The following GPR160 variants were observed in gnomAD, a reference collection of about 807,000 sequenced individuals.
The protein encoded by GPR160 is probable G protein-coupled receptor 160.
In GPR160, 2 loss-of-function variants were observed where a neutral mutation model predicts 2.6. That is an observed-to-expected ratio of 0.77 (90% CI 0.32 to 2.44). GPR160 has a LOEUF of 2.44. Among genes scored for constraint, GPR160 ranks in the 30% most tolerant of loss-of-function variants. The pLI is 0.11. For synonymous variants in GPR160, 130 were observed against 132.2 expected (o/e 0.98, Z 0.12); for missense variants, 351 against 383.6 (o/e 0.91, Z 0.71).
chr3:170,041,798 A>G (rs550687110), intron 2 of GPR160, among the ~76,000 whole-genome samples: 36 of 152,284 alleles, frequency 2.4e-4, no homozygotes, highest in African/African-American at 6.5e-4. Flanking sequence ...ACGTAACTTT[A>G]TTTTATACCT....
At chr3:170,050,942 G>A (rs926462743) in intron 2 of GPR160, among the ~76,000 whole-genome samples, 3 of 152,180 alleles carry the variant, frequency 2.0e-5, no homozygotes, top group African/African-American at 7.2e-5. Flanking sequence ...ACAAGTGTTA[G>A]TATGGACCTT....
chr3:170,042,828 T>TA (rs763216364), intron 2 of GPR160, among the ~76,000 whole-genome samples: 4,303 of 107,960 alleles, frequency 0.04, 289 homozygotes, highest in African/African-American at 0.13. Context: ...CTCTCTCTCT[T>TA]AAAAAAAAAA....
chr3:170,081,919 G>A (rs1451344932), intron 3 of GPR160, among the ~76,000 whole-genome samples: 3 of 152,172 alleles, frequency 2.0e-5, no homozygotes, highest in African/African-American at 4.8e-5. Flanking sequence ...GTTTTACGCT[G>A]CATAGTATTC....
chr3:170,046,693 T>C (rs1209154160), intron 2 of GPR160, among the ~76,000 whole-genome samples: 1 of 152,186 alleles, frequency 6.6e-6, no homozygotes, highest in Non-Finnish European at 1.5e-5. Flanking sequence ...TTAACTAATG[T>C]TTATTTAATA....
chr3:170,053,909 C>G (rs541608354), intron 2 of GPR160, among the ~76,000 whole-genome samples: 7 of 150,316 alleles, frequency 4.7e-5, no homozygotes, highest in East Asian at 1.9e-4. Flanking sequence ...TTGGCACTTT[C>G]TCTTCACCTC....
In GPR160 at chr3:170,038,491, CA is replaced by C. The variant is rs1716294951; in HGVS notation, c.-322+277del. The stretch of plus-strand genomic sequence containing the variant: ...CTGGGGTCTGTCGTGGGTTTGAGGG[CA>C]GGGGGTCTGGGGAATGGGCGTGTCC... On this transcript the variant is annotated intron_variant, in intron 1 of 3. Transcript: ENST00000355897. The surrounding 1 kb of genome is among the most constrained non-coding windows in gnomAD (Gnocchi z 5.3). 1 of 152,276 alleles carries C rather than the reference CA, an allele frequency of 6.6e-6. No individual in the cohort carries two copies. 9.4% of individuals were successfully genotyped at this position (152,276 alleles called of 1,614,324 possible). A position where few individuals can be genotyped will look rare whatever the true frequency, so the allele number is the denominator to read the frequency against.
chr3:170,076,060 C>A (rs1325217956), intron 2 of GPR160, among the ~76,000 whole-genome samples: 1 of 152,052 alleles, frequency 6.6e-6, no homozygotes, highest in Non-Finnish European at 1.5e-5. Context: ...CTTTTTAAAA[C>A]TTTGCTTTAG....
At chr3:170,049,083 C>T (rs1470196770) in intron 2 of GPR160, among the ~76,000 whole-genome samples, 2 of 152,208 alleles carry the variant, frequency 1.3e-5, no homozygotes, top group African/African-American at 4.8e-5. Flanking sequence ...TTTGCACCCT[C>T]CTGTCTCCCT....
intron 3 of GPR160, among the ~76,000 whole-genome samples, chr3:170,082,759 G>C (rs1053700441): frequency 7.3e-5 from 11 of 150,652 alleles, no homozygotes; most frequent in Non-Finnish European, 1.5e-4. Context: ...CCATGCCCAG[G>C]TAATTTTTTT....
chr3:170,067,069 A>C (rs6762959), intron 2 of GPR160, among the ~76,000 whole-genome samples: 56,901 of 152,074 alleles, frequency 0.37, 11,579 homozygotes, highest in East Asian at 0.69. Flanking sequence ...CAGTGGTGCA[A>C]TCACAGCTCA....
intron 2 of GPR160, among the ~76,000 whole-genome samples, chr3:170,061,190 G>T (rs535165041): frequency 6.6e-6 from 1 of 151,446 alleles, no homozygotes; most frequent in Admixed American, 6.6e-5. Context: ...CAGGAGAATC[G>T]CTTGAACCTG....
At chr3:170,077,347 G>C (rs1346548111) in intron 2 of GPR160, 2 of 152,042 alleles carry the variant, frequency 1.3e-5, no homozygotes, top group Admixed American at 6.6e-5. Context: ...CAACTCTCGT[G>C]AATGTACAGA....
chr3:170,059,521 A>G (rs1037140302), intron 2 of GPR160, among the ~76,000 whole-genome samples: 1 of 152,212 alleles, frequency 6.6e-6, no homozygotes, highest in Non-Finnish European at 1.5e-5. Context: ...AAATGAATCA[A>G]TATACTAATG....
intron 3 of GPR160, among the ~76,000 whole-genome samples, chr3:170,081,057 G>A (rs1049856057): frequency 2.6e-5 from 4 of 152,164 alleles, no homozygotes; most frequent in Non-Finnish European, 5.9e-5. Context: ...AAAATCATGT[G>A]AGACAGATGA....
At position 170,084,935 on chromosome 3, in the gene GPR160, T is replaced by TA. The variant is rs1394015889; in HGVS notation, c.964dup (p.Thr322AsnfsTer4). On this transcript the variant is annotated frameshift_variant, in exon 4 of 4. Transcript: ENST00000355897. LOFTEE classifies it high-confidence loss of function. ...ACTGGAAGTGCTGCTTCATTCCACT[T>TA]ACAATTCCTAATCTTGAGCAAATTG... 6.3e-7 allele frequency: 1 copy of TA among 1,597,018 alleles called. No homozygotes were observed. The highest frequency in any genetic ancestry group is 8.5e-7 in the Non-Finnish European group (1 of 1,170,514).
intron 3 of GPR160, among the ~76,000 whole-genome samples, chr3:170,083,689 A>T (rs983790189): frequency 5.3e-5 from 8 of 152,230 alleles, no homozygotes; most frequent in African/African-American, 1.9e-4. Flanking sequence ...TTGGTTTAAA[A>T]ATCTCTGAGT....
At chr3:170,043,122 C>T (rs1459616663) in intron 2 of GPR160, among the ~76,000 whole-genome samples, 1 of 151,998 alleles carries the variant, frequency 6.6e-6, no homozygotes, top group African/African-American at 2.4e-5. Context: ...ACCTCGTGAT[C>T]TGCCCGCCTC....
At chr3:170,067,971 C>T (rs898164594) in intron 2 of GPR160, among the ~76,000 whole-genome samples, 19 of 152,072 alleles carry the variant, frequency 1.2e-4, no homozygotes, top group African/African-American at 3.6e-4. Context: ...TAATGAAACT[C>T]AGGTTTGCCA....
At chr3:170,063,718 C>T (rs1251752483) in intron 2 of GPR160, among the ~76,000 whole-genome samples, 1 of 152,142 alleles carries the variant, frequency 6.6e-6, no homozygotes, top group East Asian at 1.9e-4. Context: ...GGGATGGCTC[C>T]AAGCTCTTGT....
Sources: gnomAD v4.1 joint callset for allele counts (sites outside exome capture counted in the v4.1 genomes callset) on GRCh38, gnomAD v4.1.1 for gene constraint, Gnocchi (gnomAD v3.1) non-coding constraint, MANE v1.5 for transcripts, NCBI Gene and HGNC (gene_info 2026-07-23, HGNC 2026-07-21) for gene names.